Variants in TLE4 observed in about 807,000 individuals in gnomAD.
TLE4 encodes transducin-like enhancer protein 4.
In TLE4, 8 loss-of-function variants were observed where a neutral mutation model predicts 92.8. The observed-to-expected ratio is 0.09, with a 90% CI of 0.05 to 0.16. The LOEUF is 0.16. Ranked by LOEUF, TLE4 falls within the 10% of genes least tolerant of loss-of-function variation. The pLI is 1.00. For missense variants in TLE4, 675 were observed against 997.6 expected (o/e 0.68, Z 4.36); for synonymous variants, 371 against 374.1 (o/e 0.99, Z 0.10).
At chr9:79,720,695 G>A (rs947097686) in intron 16 of TLE4, among the ~76,000 whole-genome samples, 7 of 151,968 alleles carry the variant, frequency 4.6e-5, no homozygotes, top group Admixed American at 1.3e-4. Context: ...GCTAACAAAC[G>A]ATTATTGTTG....
At chr9:79,588,331 G>C (rs2041713104) in intron 4 of TLE4, among the ~76,000 whole-genome samples, 1 of 152,010 alleles carries the variant, frequency 6.6e-6, no homozygotes, top group Non-Finnish European at 1.5e-5. Context: ...TGTATTTTTA[G>C]TAGAGACGGG....
At position 79,720,286 on chromosome 9, in the gene TLE4, T is replaced by C; in HGVS notation, c.1831T>C (p.Leu611=). 6.2e-7 allele frequency: 1 copy of C among 1,610,002 alleles called. No individual in the cohort carries two copies. The highest frequency in any genetic ancestry group is 1.1e-5 in the South Asian group (1 of 90,946). The change falls in exon 16 of 20, where the codon TTG becomes CTG. Residue 611 remains leucine (L), a synonymous_variant. Transcript: ENST00000376552. ...TGTGTGGGATCTGCACAACCAGACCTTGGTGAGGTAGGTTAGCAGGATCTG... is the reference window on the plus strand; with the variant it reads ...TGTGTGGGATCTGCACAACCAGACCCTGGTGAGGTAGGTTAGCAGGATCTG... ...IAVWDLHNQT[L]VRQFQGHTDG...
chr9:79,617,972 G>C lies in TLE4; in HGVS notation c.315+5254G>C, dbSNP rs62569297. ...CGACGTTCATCATCCTTGCACCATT[G>C]TGTCTTGCCCCAGCGTCAGCTGGCA... On this transcript the variant is annotated intron_variant, in intron 5 of 19. Coordinates refer to ENST00000376552, the MANE Select transcript of TLE4 (RefSeq NM_007005.6). Among the ~76,000 whole-genome samples the C allele has an allele frequency of 9.2e-3, 1,407 of 152,224 alleles. 7 individuals carry two copies. Among genetic ancestry groups the C allele is most frequent in the Non-Finnish European group, 0.015 (1,031 of 68,010 alleles).
chr9:79,724,882 G>A (rs1196110167), intron 19 of TLE4, among the ~76,000 whole-genome samples, 155 bp from the exon 20 acceptor site: 192 of 23,482 alleles, frequency 8.2e-3, no homozygotes, highest in Non-Finnish European at 0.014. Flanking sequence ...AAAAAAAAAA[G>A]CAGCAGTACT....
At position 79,726,604 on chromosome 9, in the gene TLE4, C is replaced by G. The variant is rs996687789; in HGVS notation, c.*1460C>G. 6.6e-6 allele frequency: 1 copy of G among 152,592 alleles called. No individual in the cohort carries two copies. Among genetic ancestry groups the G allele is most frequent in the African/African-American group, 2.4e-5 (1 of 41,428 alleles). The allele number at this position is 152,592 out of a possible 1,614,324, so 9.5% of individuals were successfully genotyped here. ...ATGTCATTAACAGTTTCGTAAAACT[C>G]TACAGTGTAGAAAGATTTTGATACT... On this transcript the variant is annotated 3_prime_UTR_variant, in exon 20 of 20. Coordinates refer to ENST00000376552, the MANE Select transcript of TLE4 (RefSeq NM_007005.6).
intron 14 of TLE4, among the ~76,000 whole-genome samples, chr9:79,713,282 A>C (rs2136085211): frequency 6.6e-6 from 1 of 152,338 alleles, no homozygotes; most frequent in East Asian, 1.9e-4. Context: ...CAAGATGATA[A>C]TCCATATATA....
In TLE4 at chr9:79,685,071, C is replaced by A. The variant is rs552395098; in HGVS notation, c.610-19712C>A. On this transcript the variant is annotated intron_variant, in intron 8 of 19. Transcript: ENST00000376552. ...TCATTTCTCATAGCTGCACTAGAAC[C>A]GTGGCAGCCTTACCATCTGACTGCT... 2.6e-5 allele frequency among the ~76,000 whole-genome samples: 4 copies of A among 152,258 alleles called. No individual in the cohort carries two copies. In the South Asian group the frequency reaches 8.3e-4, roughly 32 times the overall value.
At chr9:79,687,599 A>G (rs1481456376) in intron 8 of TLE4, among the ~76,000 whole-genome samples, 1 of 152,186 alleles carries the variant, frequency 6.6e-6, no homozygotes, top group African/African-American at 2.4e-5. Flanking sequence ...GTCAACCCTA[A>G]TGAAGCAAGT....
intron 6 of TLE4, among the ~76,000 whole-genome samples, chr9:79,641,155 C>CTTGAAGT (rs2057063600): frequency 7.2e-6 from 1 of 138,148 alleles, no homozygotes; most frequent in Non-Finnish European, 1.6e-5. Flanking sequence ...TTTTTTTTTT[C>CTTGAAGT]TTGGAGTAGG....
At chr9:79,709,168 T>C (rs1331461247) in intron 13 of TLE4, among the ~76,000 whole-genome samples, 11 of 152,262 alleles carry the variant, frequency 7.2e-5, no homozygotes, top group Non-Finnish European at 1.2e-4. Context: ...TAATCTAAGG[T>C]ATTTAGAGAT....
chr9:79,709,474 A>G, intron 13 of TLE4, 149 bp from the exon 14 acceptor site: 1 of 588,098 alleles, frequency 1.7e-6, no homozygotes, highest in South Asian at 2.6e-5. Context: ...ATTGGTTATC[A>G]TTTCACCAAT....
At chr9:79,710,190 G>A (rs2072892288) in intron 14 of TLE4, among the ~76,000 whole-genome samples, 1 of 152,170 alleles carries the variant, frequency 6.6e-6, no homozygotes, top group African/African-American at 2.4e-5. Context: ...CCTTGAGTTA[G>A]GAAAGACAAA....
intron 8 of TLE4, among the ~76,000 whole-genome samples, chr9:79,680,961 A>G (rs1447153155): frequency 1.3e-5 from 2 of 152,162 alleles, no homozygotes; most frequent in Non-Finnish European, 2.9e-5. Context: ...CCAGCCTTGC[A>G]TCCCAGGGAT....
rs562364466 is a variant in TLE4, at chr9:79,589,618, C to G, written c.252+13441C>G. On this transcript the variant is annotated intron_variant, in intron 4 of 19. Transcript: ENST00000376552. ...ATGTGAGACCCATTAGTCCTGTCCC[C>G]CATCGAAGTCACTAGAATTAGTCTT... Among the ~76,000 whole-genome samples, 3 of 152,024 alleles carry G rather than the reference C, an allele frequency of 2.0e-5. No homozygotes were observed. The South Asian group carries it at 6.2e-4, about 32-fold the overall frequency.
chr9:79,584,153 G>A (rs1176106167), intron 4 of TLE4, among the ~76,000 whole-genome samples: 1 of 152,210 alleles, frequency 6.6e-6, no homozygotes, highest in Non-Finnish European at 1.5e-5. Context: ...TCCCTTCGCT[G>A]ACCATGCTGT....
chr9:79,723,101 A>C, intron 19 of TLE4, 66 bp downstream of exon 19: 1 of 1,468,318 alleles, frequency 6.8e-7, no homozygotes, highest in Admixed American at 1.7e-5. Flanking sequence ...ATTCTCTCAG[A>C]TTAATAATGT....
At chr9:79,591,459 ATGCTGGTGGTAG>A (rs567657026) in intron 4 of TLE4, among the ~76,000 whole-genome samples, 43 of 152,328 alleles carry the variant, frequency 2.8e-4, no homozygotes, top group Middle Eastern at 3.4e-3. Flanking sequence ...AAGGCCTTGA[ATGCTGGTGGTAG>A]TGCTTGGGCT....
At chr9:79,625,009 CTTTTCTTTTTT>C (rs900452570) in intron 5 of TLE4, among the ~76,000 whole-genome samples, 1 of 100,404 alleles carries the variant, frequency 1.0e-5, no homozygotes, top group African/African-American at 3.4e-5. Flanking sequence ...AAATCTATTT[CTTTTCTTTTTT>C]TTTTTTTTTT....
intron 6 of TLE4, among the ~76,000 whole-genome samples, chr9:79,651,291 C>T (rs1370634724): frequency 6.6e-6 from 1 of 152,078 alleles, no homozygotes; most frequent in Non-Finnish European, 1.5e-5. Flanking sequence ...TTGAGTAATA[C>T]ATTTAATGTC....
Sources: allele counts gnomAD v4.1 joint callset (sites outside exome capture counted in the v4.1 genomes callset), GRCh38; gene constraint gnomAD v4.1.1; transcripts MANE v1.5; gene names NCBI Gene and HGNC (gene_info 2026-07-23, HGNC 2026-07-21).